The following ACTR3C variants were observed in gnomAD, a reference collection of about 807,000 sequenced individuals.
The protein encoded by ACTR3C is actin-related protein 3C.
In ACTR3C, 18 loss-of-function variants were observed where a neutral mutation model predicts 26.3. That is an observed-to-expected ratio of 0.68 (90% CI 0.47 to 1.01). ACTR3C has a LOEUF of 1.01. Ranked by LOEUF, ACTR3C falls within the 50% of genes least tolerant of loss-of-function variation. ACTR3C has a pLI of 0.00. For synonymous variants in ACTR3C, 55 were observed against 94.5 expected (o/e 0.58, Z 2.42); for missense variants, 184 against 250.7 (o/e 0.73, Z 1.80).
At chr7:150,006,735 G>T in the ACTR3C span, among the ~76,000 whole-genome samples, 2 of 152,072 alleles carry the variant, frequency 1.3e-5, no homozygotes, top group East Asian at 3.9e-4. Context: ...TATGGGCAAT[G>T]GTGGTGGTGG....
At chr7:150,149,695 G>C in the ACTR3C span, among the ~76,000 whole-genome samples, 2 of 152,152 alleles carry the variant, frequency 1.3e-5, no homozygotes, top group Admixed American at 1.3e-4. Context: ...TGGCTGCATA[G>C]TATTCCATGG....
At chr7:150,322,855 C>A (rs183025131) in intron 1 of ACTR3C, 6 of 152,430 alleles carry the variant, frequency 3.9e-5, no homozygotes, top group Admixed American at 1.3e-4. Context: ...GGGTGGATTT[C>A]CTGAACCGAC....
the ACTR3C span, among the ~76,000 whole-genome samples, chr7:149,943,497 C>A: frequency 6.7e-6 from 1 of 149,060 alleles, no homozygotes; most frequent in Non-Finnish European, 1.5e-5. Flanking sequence ...GAGGCCGAGG[C>A]GGGCAGATCG....
the ACTR3C span, among the ~76,000 whole-genome samples, chr7:150,168,883 AG>A: frequency 6.6e-6 from 1 of 150,824 alleles, no homozygotes; most frequent in Non-Finnish European, 1.5e-5. Flanking sequence ...TCTTCCTTCT[AG>A]GGAAAGCCAA....
chr7:150,212,208 ACT>A, the ACTR3C span, among the ~76,000 whole-genome samples: 40 of 146,770 alleles, frequency 2.7e-4, no homozygotes, highest in Non-Finnish European at 1.5e-5. Flanking sequence ...AATTCCAATC[ACT>A]CTATTTCCTT....
At chr7:150,196,154 C>A in the ACTR3C span, among the ~76,000 whole-genome samples, 1 of 152,136 alleles carries the variant, frequency 6.6e-6, no homozygotes, top group South Asian at 2.1e-4. Context: ...AATTTTGGAC[C>A]AATTAATTCT....
chr7:149,930,727 G>A, the ACTR3C span, among the ~76,000 whole-genome samples: 1 of 152,184 alleles, frequency 6.6e-6, no homozygotes, highest in East Asian at 1.9e-4. Flanking sequence ...AGTTGTGGGG[G>A]TGCATGGAAA....
chr7:150,132,095 C>G, the ACTR3C span, among the ~76,000 whole-genome samples: 3 of 152,098 alleles, frequency 2.0e-5, no homozygotes, highest in Non-Finnish European at 2.9e-5. Context: ...TAGGGAGTGT[C>G]CTAGTGGGCT....
the ACTR3C span, among the ~76,000 whole-genome samples, chr7:150,173,024 G>A: frequency 4.7e-5 from 7 of 149,484 alleles, no homozygotes; most frequent in Non-Finnish European, 1.0e-4. Flanking sequence ...GGCACTGAGT[G>A]TCTGCAGCTT....
the ACTR3C span, among the ~76,000 whole-genome samples, chr7:150,049,539 A>C: frequency 6.6e-6 from 1 of 152,232 alleles, no homozygotes; most frequent in African/African-American, 2.4e-5. Flanking sequence ...TAGGGTTTCA[A>C]AATAACAGGC....
chr7:149,954,005 C>T, the ACTR3C span, among the ~76,000 whole-genome samples: 2 of 140,404 alleles, frequency 1.4e-5, no homozygotes, highest in African/African-American at 5.4e-5. Flanking sequence ...CTGATGCTAC[C>T]ATGCCGAGAG....
chr7:150,150,729 A>G, the ACTR3C span, among the ~76,000 whole-genome samples: 1 of 138,708 alleles, frequency 7.2e-6, no homozygotes, highest in Admixed American at 7.3e-5. Flanking sequence ...AGGGGATTTA[A>G]TTATATCTGC....
At chr7:149,992,898 C>T in the ACTR3C span, among the ~76,000 whole-genome samples, 1 of 152,170 alleles carries the variant, frequency 6.6e-6, no homozygotes, top group East Asian at 1.9e-4. Flanking sequence ...GGGAAGCTGA[C>T]AATGCAGCCT....
At chr7:150,181,702 C>G in the ACTR3C span, among the ~76,000 whole-genome samples, 1 of 150,612 alleles carries the variant, frequency 6.6e-6, no homozygotes, top group African/African-American at 2.5e-5. Context: ...AAATATTTTA[C>G]AAATTTTAAA....
chr7:150,123,705 A>G, the ACTR3C span, among the ~76,000 whole-genome samples: 1 of 152,156 alleles, frequency 6.6e-6, no homozygotes, highest in African/African-American at 2.4e-5. Context: ...CCTAGAGAGA[A>G]AAAAAAGAAA....
chr7:150,050,845 G>T, the ACTR3C span, among the ~76,000 whole-genome samples: 1 of 151,520 alleles, frequency 6.6e-6, no homozygotes, highest in East Asian at 1.9e-4. Flanking sequence ...GGTGGCTCAC[G>T]CCTGTAATCC....
the ACTR3C span, among the ~76,000 whole-genome samples, chr7:150,031,584 G>C: frequency 5.2e-3 from 787 of 150,230 alleles, 12 homozygotes; most frequent in African/African-American, 0.017. Flanking sequence ...CACTGATGTC[G>C]GTGGAACACA....
At chr7:150,248,871 T>G (rs1832639513) in intron 7 of ACTR3C, 77 bp downstream of exon 7, 5 of 443,848 alleles carry the variant, frequency 1.1e-5, no homozygotes, top group Non-Finnish European at 2.0e-5. Context: ...TTATGGGTTC[T>G]CTTGAAACAA....
At chr7:150,101,250 T>C in the ACTR3C span, among the ~76,000 whole-genome samples, 1 of 151,600 alleles carries the variant, frequency 6.6e-6, no homozygotes, top group Non-Finnish European at 1.5e-5. Context: ...GCCTTGCAGA[T>C]GTGATGGGGC....
Sources: gnomAD v4.1 joint callset for allele counts (sites outside exome capture counted in the v4.1 genomes callset) on GRCh38, gnomAD v4.1.1 for gene constraint, MANE v1.5 for transcripts, NCBI Gene and HGNC (gene_info 2026-07-23, HGNC 2026-07-21) for gene names.